GNB1: variants seen among roughly 807,000 people sequenced by gnomAD.
GNB1 encodes guanine nucleotide-binding protein G(I)/G(S)/G(T) subunit beta-1.
In GNB1, 2 loss-of-function variants were observed where a neutral mutation model predicts 42.9. The ratio of observed to expected loss-of-function variants is 0.05; its 90% confidence interval spans 0.02 to 0.15. The LOEUF is 0.15. Among genes scored for constraint, GNB1 ranks in the 10% least tolerant of loss-of-function variants. The probability of loss-of-function intolerance (pLI) is 1.00; values close to 1 mark genes in which losing one functional copy is unlikely to be tolerated. For synonymous variants in GNB1, 183 were observed against 174.7 expected (o/e 1.05, Z -0.38); for missense variants, 193 against 462.2 (o/e 0.42, Z 5.34).
At chr1:1,868,378 T>C (rs1649059225) in intron 1 of GNB1, among the ~76,000 whole-genome samples, 3 of 152,088 alleles carry the variant, frequency 2.0e-5, no homozygotes, top group Non-Finnish European at 2.9e-5. Flanking sequence ...GGTTTTACCA[T>C]GTTGGCCAGG....
Position 1,785,354 on chromosome 1 carries a change from T to G in GNB1, c.*1709A>C, listed in dbSNP as rs1646389258. ...AGTTTAATATAGTATCTATCTTGCA[T>G]CCAGCTTCCTTGCAGTACACTGACT... is the stretch of plus-strand genomic sequence containing the variant. On this transcript the variant is annotated 3_prime_UTR_variant, in exon 12 of 12. Coordinates refer to ENST00000378609, the MANE Select transcript of GNB1 (RefSeq NM_002074.5). 1 of 152,646 alleles carries G rather than the reference T, an allele frequency of 6.6e-6. No individual in the cohort carries two copies. Among genetic ancestry groups the G allele is most frequent in the African/African-American group, 2.4e-5 (1 of 41,450 alleles). 9.5% of individuals were successfully genotyped at this position (152,646 alleles called of 1,614,324 possible). A position where few individuals can be genotyped will look rare whatever the true frequency, so the allele number is the denominator to read the frequency against.
Position 1,793,064 on chromosome 1 carries a change from CA to C in GNB1, c.497+180del, listed in dbSNP as rs33952351. Among the ~76,000 whole-genome samples the C allele has an allele frequency of 2.5e-3, 360 of 142,258 alleles. 1 individual carries two copies. Among genetic ancestry groups the C allele is most frequent in the African/African-American group, 6.7e-3 (260 of 38,588 alleles). The allele number at this position is 142,258 out of a possible 152,430, so 93.3% of individuals were successfully genotyped here. On this transcript the variant is annotated intron_variant, in intron 8 of 11. Coordinates refer to ENST00000378609, the MANE Select transcript of GNB1 (RefSeq NM_002074.5). ...GGGTGACAAGAACAAAACTCCATCTCAAAAAAAAAAAAAGTATAATGAATTC... is the reference window on the plus strand; with the variant it reads ...GGGTGACAAGAACAAAACTCCATCTCAAAAAAAAAAAAGTATAATGAATTC...
At chr1:1,888,389 C>A (rs1031342816) in intron 1 of GNB1, among the ~76,000 whole-genome samples, 1 of 150,276 alleles carries the variant, frequency 6.7e-6, no homozygotes, top group African/African-American at 2.4e-5. Flanking sequence ...AAAAGGCGGG[C>A]GGGGGGAGCA....
At position 1,865,834 on chromosome 1, in the gene GNB1, CT is replaced by C. The variant is rs1648907041; in HGVS notation, c.-96+24985del. ...TTTCTTCCAAAATGAAAAATAACTCCTTTTTTCTGTCACTGACTTTGGCGAA... is the reference window on the plus strand; with the variant it reads ...TTTCTTCCAAAATGAAAAATAACTCCTTTTTCTGTCACTGACTTTGGCGAA... On this transcript the variant is annotated intron_variant, in intron 1 of 11. Transcript: ENST00000378609. 2.0e-5 allele frequency among the ~76,000 whole-genome samples: 3 copies of C among 152,212 alleles called. No homozygotes were observed. The South Asian group carries it at 6.2e-4, about 32-fold the overall frequency.
chr1:1,838,230 T>C (rs1035015750), intron 2 of GNB1, among the ~76,000 whole-genome samples: 6 of 152,140 alleles, frequency 3.9e-5, no homozygotes, highest in East Asian at 1.9e-4. Flanking sequence ...ATCCAATTGT[T>C]CCAGCCCCTA....
chr1:1,870,592 G>A (rs1202198775), intron 1 of GNB1, among the ~76,000 whole-genome samples: 3 of 152,132 alleles, frequency 2.0e-5, no homozygotes, highest in South Asian at 2.1e-4. Flanking sequence ...TTCCTTATGC[G>A]CTGTTACGCA....
At position 1,790,309 on chromosome 1, in the gene GNB1, TA is replaced by T; in HGVS notation, c.699+85del. 1 of 894,440 alleles carries T rather than the reference TA, an allele frequency of 1.1e-6. No individual in the cohort carries two copies. Among genetic ancestry groups the T allele is most frequent in the Non-Finnish European group, 1.8e-6 (1 of 540,700 alleles). 55.4% of individuals were successfully genotyped at this position (894,440 alleles called of 1,614,324 possible). ...TATAAGGATCAGAAAGGAGAACATC[TA>T]ATCCAGAAAAGTTTAAAATTTAGCA... On this transcript the variant is annotated intron_variant, in intron 9 of 11. Coordinates refer to ENST00000378609, the MANE Select transcript of GNB1 (RefSeq NM_002074.5). This position sits in a 1 kb window ranked among gnomAD's most constrained non-coding sequence, Gnocchi z 5.4.
rs2100503859 is a variant in GNB1, at chr1:1,790,544, T to C, written c.550A>G (p.Thr184Ala). 6.2e-7 allele frequency: 1 copy of C among 1,613,774 alleles called. No homozygotes were observed. Among genetic ancestry groups the C allele is most frequent in the South Asian group, 1.1e-5 (1 of 91,072 alleles). Residue 184 changes from threonine to alanine, a missense_variant, in exon 9 of 12, where the codon ACT (threonine) becomes GCT (alanine). Around this residue, in one of 2 missense-constraint regions of GNB1, gnomAD observed 150 missense variants for 410.8 expected, o/e 0.37. Transcript: ENST00000378609. This position sits in a 1 kb window ranked among gnomAD's most constrained non-coding sequence, Gnocchi z 5.4. Reference protein sequence around the residue: ...GQQTTTFTGHTGDVMSLSLAP... With the variant: ...GQQTTTFTGHAGDVMSLSLAP... ...AGAGAAAGGCTCATGACATCTCCAG[T>C]GTGTCCGGTAAACGTGGTCGTCTGC...
chr1:1,885,340 G>A (rs775070380), intron 1 of GNB1, among the ~76,000 whole-genome samples: 2 of 150,786 alleles, frequency 1.3e-5, no homozygotes, highest in Non-Finnish European at 3.0e-5. Flanking sequence ...TTGAACCCGG[G>A]AGGCAGAAGT....
chr1:1,814,811 A>AAG (rs1452057840), intron 5 of GNB1, among the ~76,000 whole-genome samples: 1 of 144,260 alleles, frequency 6.9e-6, no homozygotes, highest in African/African-American at 2.5e-5. Context: ...AAAAAAAAAA[A>AAG]AAAAAAAAAG....
rs566044188 is a variant in GNB1, at chr1:1,877,011, T to C, written c.-96+13809A>G. The stretch of plus-strand genomic sequence containing the variant: ...GAAAAATCACAATTTTAAAAATCTA[T>C]ATATACAGGCCAGGCGTGGTGGCTC... On this transcript the variant is annotated intron_variant, in intron 1 of 11. Coordinates refer to ENST00000378609, the MANE Select transcript of GNB1 (RefSeq NM_002074.5). 7.6e-4 allele frequency among the ~76,000 whole-genome samples: 115 copies of C among 152,228 alleles called. No homozygotes were observed. The Middle Eastern group carries it at 0.017, about 23-fold the overall frequency.
chr1:1,857,610 T>C (rs924570781), intron 1 of GNB1, among the ~76,000 whole-genome samples: 2 of 151,914 alleles, frequency 1.3e-5, no homozygotes, highest in Non-Finnish European at 2.9e-5. Flanking sequence ...GGAACATGGG[T>C]AGGCCAAGCA....
intron 1 of GNB1, among the ~76,000 whole-genome samples, chr1:1,842,465 G>A (rs1287634981): frequency 6.6e-6 from 1 of 150,612 alleles, no homozygotes; most frequent in Non-Finnish European, 1.5e-5. Flanking sequence ...TCCTGGTCCT[G>A]TCTCTGCTAG....
intron 2 of GNB1, chr1:1,832,212 AT>A: frequency 6.6e-6 from 1 of 152,276 alleles, no homozygotes; most frequent in East Asian, 1.9e-4. Context: ...ATAAATGTAA[AT>A]TTTAAAAGTC....
intron 1 of GNB1, among the ~76,000 whole-genome samples, chr1:1,874,427 G>A (rs1220862319): frequency 1.3e-5 from 2 of 151,474 alleles, no homozygotes; most frequent in Admixed American, 1.3e-4. Context: ...TGGGCAACAC[G>A]GTGAAACCCC....
chr1:1,862,679 C>A (rs1648700143), intron 1 of GNB1, among the ~76,000 whole-genome samples: 1 of 151,770 alleles, frequency 6.6e-6, no homozygotes, highest in Admixed American at 6.6e-5. Context: ...AGGCTGGTCT[C>A]CAGCTCCTGG....
intron 4 of GNB1, among the ~76,000 whole-genome samples, chr1:1,816,529 G>A (rs1297691364): frequency 2.0e-5 from 3 of 151,462 alleles, no homozygotes; most frequent in Non-Finnish European, 4.4e-5. Context: ...CTCAATTAAA[G>A]CACATCCCCT....
chr1:1,864,327 A>AAAAG (rs1648797407), intron 1 of GNB1, among the ~76,000 whole-genome samples: 1 of 149,440 alleles, frequency 6.7e-6, no homozygotes, highest in African/African-American at 2.4e-5. Flanking sequence ...AAAAAAAAAA[A>AAAAG]AAAAAAAAAG....
intron 8 of GNB1, among the ~76,000 whole-genome samples, chr1:1,792,854 T>A (rs1021157737): frequency 2.6e-5 from 4 of 151,910 alleles, no homozygotes; most frequent in Non-Finnish European, 5.9e-5. Context: ...TCACCTGAGG[T>A]CAGGAGTTCA....
Sources: gnomAD v4.1 joint callset for allele counts (sites outside exome capture counted in the v4.1 genomes callset) on GRCh38, gnomAD v4.1.1 for gene constraint, gnomAD v4.1.1 regional missense constraint, Gnocchi (gnomAD v3.1) non-coding constraint, MANE v1.5 for transcripts, NCBI Gene and HGNC (gene_info 2026-07-23, HGNC 2026-07-21) for gene names.